MYT1L: variants seen among roughly 807,000 people sequenced by gnomAD.
The protein encoded by MYT1L is myelin transcription factor 1 like.
Under a neutral mutation model 126.7 loss-of-function variants are expected in MYT1L, and 12 were observed. That is an observed-to-expected ratio of 0.09 (90% confidence interval 0.06 to 0.15). The LOEUF is 0.15. Ranked by LOEUF, MYT1L falls within the 10% of genes least tolerant of loss-of-function variation. The pLI, the probability that MYT1L is intolerant of heterozygous loss-of-function variation, is 1.00. For synonymous variants in MYT1L, 541 were observed against 604.2 expected, an observed-to-expected ratio of 0.90 and a Z score of 1.53; for missense variants, 979 against 1,585.2, an observed-to-expected ratio of 0.62 and a Z score of 6.49.
intron 11 of MYT1L, among the ~76,000 whole-genome samples, chr2:1,914,884 C>T (rs1210720880): frequency 6.6e-6 from 1 of 152,214 alleles, no homozygotes; most frequent in African/African-American, 2.4e-5. Flanking sequence ...ACTTTTACAA[C>T]AGCCTTTAGA....
chr2:2,005,291 C>T (rs370878300), intron 4 of MYT1L, among the ~76,000 whole-genome samples: 4 of 86,726 alleles, frequency 4.6e-5, no homozygotes, highest in Non-Finnish European at 9.3e-5. Context: ...TTCTTTCCTG[C>T]AGGCGTTCTT....
intron 2 of MYT1L, among the ~76,000 whole-genome samples, chr2:2,252,193 T>A (rs1382867723): frequency 1.3e-5 from 2 of 152,112 alleles, no homozygotes; most frequent in African/African-American, 2.4e-5. Flanking sequence ...AAGGAGGGTG[T>A]CCAAATGGTC....
At position 1,892,076 on chromosome 2, in the gene MYT1L, C is replaced by T. The variant is rs1397958100; in HGVS notation, c.2244G>A (p.Gln748=). The change falls in exon 15 of 25, where the codon CAG becomes CAA. Residue 748 remains glutamine, a synonymous_variant. Coordinates refer to ENST00000647738, the MANE Select transcript of MYT1L (RefSeq NM_001303052.2). ...GGTCCTGCGGCTTGGTGCTCAGGTT[C>T]TGCGGCATCTCGCGGCAGCGCGTGG... ...NLSTRCREMP[Q]NLSTKPQDLC... 1.9e-6 allele frequency: 3 copies of T among 1,541,430 alleles called. No individual in the cohort carries two copies. The highest frequency in any genetic ancestry group is 1.2e-5 in the South Asian group (1 of 83,994).
chr2:1,970,767 G>A (rs887603635), intron 8 of MYT1L, among the ~76,000 whole-genome samples: 6 of 152,224 alleles, frequency 3.9e-5, no homozygotes, highest in African/African-American at 1.4e-4. Context: ...TGGTGTTTCA[G>A]TGGGTAAACC....
intron 2 of MYT1L, among the ~76,000 whole-genome samples, chr2:2,239,761 A>G (rs2094400295): frequency 1.3e-5 from 2 of 152,218 alleles, no homozygotes; most frequent in African/African-American, 2.4e-5. Context: ...ACAACAGGCA[A>G]CATCAACAGA....
chr2:1,891,035 C>T (rs1041262843), intron 15 of MYT1L, among the ~76,000 whole-genome samples: 1 of 152,198 alleles, frequency 6.6e-6, no homozygotes, highest in Non-Finnish European at 1.5e-5. Context: ...GCCACAGAAT[C>T]TCTTCCATGC....
At chr2:2,108,307 C>G (rs2078997604) in intron 3 of MYT1L, among the ~76,000 whole-genome samples, 1 of 152,176 alleles carries the variant, frequency 6.6e-6, no homozygotes, top group Non-Finnish European at 1.5e-5. Flanking sequence ...GAACATGGAT[C>G]CGATGAGTTC....
intron 2 of MYT1L, among the ~76,000 whole-genome samples, chr2:2,220,974 G>A (rs1367568726): frequency 6.6e-6 from 1 of 152,154 alleles, no homozygotes; most frequent in Non-Finnish European, 1.5e-5. Flanking sequence ...TGAGTTTAAA[G>A]AAGAAAATAA....
intron 3 of MYT1L, among the ~76,000 whole-genome samples, chr2:2,157,938 G>A (rs912660983): frequency 6.6e-6 from 1 of 152,044 alleles, no homozygotes; most frequent in Non-Finnish European, 1.5e-5. Context: ...TGGAGGCCTC[G>A]CACCAGAGAG....
intron 4 of MYT1L, among the ~76,000 whole-genome samples, chr2:2,014,379 C>T (rs762067912): frequency 2.0e-5 from 3 of 152,128 alleles, no homozygotes; most frequent in Admixed American, 6.5e-5. Flanking sequence ...CTCCAGCAAA[C>T]GTGATAATCC....
At chr2:1,823,819 T>A (rs1344243765) in intron 21 of MYT1L, among the ~76,000 whole-genome samples, 1 of 152,226 alleles carries the variant, frequency 6.6e-6, no homozygotes, top group Non-Finnish European at 1.5e-5. Context: ...GCGGCCCTCG[T>A]CCCGTGTGGT....
At chr2:2,051,306 T>A (rs188181247) in intron 4 of MYT1L, among the ~76,000 whole-genome samples, 1 of 152,332 alleles carries the variant, frequency 6.6e-6, no homozygotes, top group East Asian at 1.9e-4. Flanking sequence ...GATTTATTCA[T>A]CTAATAAACT....
chr2:2,007,250 A>T (rs569073871), intron 4 of MYT1L, among the ~76,000 whole-genome samples: 65 of 152,274 alleles, frequency 4.3e-4, no homozygotes, highest in African/African-American at 1.5e-3. Context: ...ACTGTTTTTC[A>T]TAATGGCTGT....
intron 2 of MYT1L, among the ~76,000 whole-genome samples, chr2:2,276,532 C>T (rs2095361668): frequency 6.6e-6 from 1 of 152,084 alleles, no homozygotes; most frequent in Non-Finnish European, 1.5e-5. Context: ...AGGAAGACTC[C>T]AGTTATTTGT....
At chr2:2,129,628 C>G (rs547298782) in intron 3 of MYT1L, among the ~76,000 whole-genome samples, 1 of 152,098 alleles carries the variant, frequency 6.6e-6, no homozygotes, top group African/African-American at 2.4e-5. Context: ...TTATTTAGGC[C>G]GGGCGCGGTG....
At chr2:2,021,422 T>G (rs2065018867) in intron 4 of MYT1L, among the ~76,000 whole-genome samples, 1 of 152,136 alleles carries the variant, frequency 6.6e-6, no homozygotes, top group Admixed American at 6.5e-5. Flanking sequence ...ATAGCTTATG[T>G]TTAAACAGCC....
chr2:1,927,934 A>G lies in MYT1L; in HGVS notation c.506-4671T>C, dbSNP rs559686160. On this transcript the variant is annotated intron_variant, in intron 9 of 24. Transcript: ENST00000647738. ...CGCAATGATAAGGAAAAAAAACCAA[A>G]CCACATAAACCATCTATATATTTCT... Among the ~76,000 whole-genome samples the G allele has an allele frequency of 3.0e-4, 46 of 151,718 alleles. No homozygotes were observed. In the South Asian group the frequency reaches 9.4e-3, roughly 31 times the overall value.
At chr2:1,831,124 C>T (rs1179099703) in intron 21 of MYT1L, among the ~76,000 whole-genome samples, 1 of 149,962 alleles carries the variant, frequency 6.7e-6, no homozygotes, top group Admixed American at 6.6e-5. Flanking sequence ...ACCCTGCAAC[C>T]CCACTCGGGT....
intron 4 of MYT1L, among the ~76,000 whole-genome samples, chr2:2,021,339 C>T (rs911603959): frequency 6.6e-6 from 1 of 152,102 alleles, no homozygotes; most frequent in African/African-American, 2.4e-5. Flanking sequence ...GAGGCTGATG[C>T]CCCAGACATG....
Sources: allele counts gnomAD v4.1 joint callset (sites outside exome capture counted in the v4.1 genomes callset), GRCh38; gene constraint gnomAD v4.1.1; transcripts MANE v1.5; gene names NCBI Gene and HGNC (gene_info 2026-07-23, HGNC 2026-07-21).